The following TEX9 variants were observed in gnomAD, a reference collection of about 807,000 sequenced individuals.
The protein encoded by TEX9 is testis expressed 9, also known as testis-expressed protein 9.
Under a neutral mutation model 59.6 loss-of-function variants are expected in TEX9, and 74 were observed. The ratio of observed to expected loss-of-function variants is 1.24; its 90% CI spans 1.03 to 1.51. TEX9 has a LOEUF of 1.51. TEX9 is among the 40% of genes most tolerant of loss of function. The pLI is 0.00. For missense variants in TEX9, 522 were observed against 447.8 expected (o/e 1.17, Z -1.49); for synonymous variants, 186 against 152.2 (o/e 1.22, Z -1.64).
intron 12 of TEX9, chr15:56,443,430 T>C: frequency 6.4e-7 from 1 of 1,560,184 alleles, no homozygotes; most frequent in Non-Finnish European, 8.6e-7. Context: ...TGAAACTTAC[T>C]TTTAGCTTGC....
intron 1 of TEX9, among the ~76,000 whole-genome samples, chr15:56,319,142 C>T (rs748037637): frequency 2.0e-5 from 3 of 151,990 alleles, no homozygotes; most frequent in Middle Eastern, 3.4e-3. Flanking sequence ...TCTGTATTAT[C>T]CTATTATCAC....
At chr15:56,387,122 TACAA>T (rs1296310316) in intron 4 of TEX9, among the ~76,000 whole-genome samples, 1 of 151,938 alleles carries the variant, frequency 6.6e-6, no homozygotes, top group African/African-American at 2.4e-5. Context: ...TCCATCATAT[TACAA>T]ACAGACATTT....
exon 4 of TEX9, chr15:56,383,968 T>C: frequency 3.1e-6 from 5 of 1,611,692 alleles, no homozygotes; most frequent in Non-Finnish European, 4.2e-6. Context: ...CGGCAAGAAG[T>C]ACGATCTAGG....
chr15:56,302,974 A>G (rs756408141), intron 1 of TEX9, among the ~76,000 whole-genome samples: 4 of 152,246 alleles, frequency 2.6e-5, no homozygotes, highest in Admixed American at 6.5e-5. Flanking sequence ...AAGTCATTGT[A>G]TAATTATAAA....
exon 11 of TEX9, chr15:56,427,717 T>C (rs749397406): frequency 2.7e-6 from 4 of 1,494,276 alleles, no homozygotes; most frequent in South Asian, 1.4e-5. Context: ...TTAAAATTAA[T>C]TGATGTTTTA....
At chr15:56,365,367 G>A (rs1018279604), upstream of TEX9, 5 of 1,524,554 alleles carry the variant, frequency 3.3e-6, no homozygotes, top group Middle Eastern at 2.2e-4. Flanking sequence ...AGGCGTAGGC[G>A]CCCGGGCGGG....
In TEX9 at chr15:56,394,150, T is replaced by C. The variant is rs1231183947; in HGVS notation, c.572-15T>C. On this transcript the variant is annotated splice_polypyrimidine_tract_variant and intron_variant, in intron 7 of 12. Coordinates refer to ENST00000352903, the Ensembl canonical transcript of TEX9. Reference sequence around the variant, plus strand: ...TTCAGCAAAAGACAGTAAATATAATTATTTAAATTCACAGAAGCACAGATC... The same window carrying C: ...TTCAGCAAAAGACAGTAAATATAATCATTTAAATTCACAGAAGCACAGATC... 1.3e-6 allele frequency: 2 copies of C among 1,599,216 alleles called. No individual in the cohort carries two copies. The highest frequency in any genetic ancestry group is 2.3e-5 in the South Asian group (2 of 87,986).
At chr15:56,276,112 G>T (rs749729939) in intron 1 of TEX9, among the ~76,000 whole-genome samples, 6 of 151,092 alleles carry the variant, frequency 4.0e-5, no homozygotes, top group Non-Finnish European at 1.5e-5. Flanking sequence ...TCTTGGGTGT[G>T]GTCTCCTTTG....
intron 3 of TEX9, among the ~76,000 whole-genome samples, chr15:56,383,144 C>T (rs1360812687): frequency 6.6e-6 from 1 of 152,186 alleles, no homozygotes; most frequent in Non-Finnish European, 1.5e-5. Flanking sequence ...AAAGTCTCCG[C>T]CCCGCATGAC....
rs748075724 is a variant in TEX9 at position 56,373,507 on chromosome 15, A to T, written c.183+3A>T. 1 of 1,560,690 alleles carries T rather than the reference A, an allele frequency of 6.4e-7. No individual in the cohort carries two copies. The highest frequency in any genetic ancestry group is 8.6e-7 in the Non-Finnish European group (1 of 1,162,772). On this transcript the variant is annotated splice_donor_region_variant and intron_variant, in intron 3 of 12. Transcript: ENST00000352903. ...TTCAACAAGCTAAGGAAATAATAGTAAGTATATGTACAATTATTAATAATT... is the reference window on the plus strand; with the variant it reads ...TTCAACAAGCTAAGGAAATAATAGTTAGTATATGTACAATTATTAATAATT...
chr15:56,400,575 A>G (rs2048719632), intron 9 of TEX9, among the ~76,000 whole-genome samples: 1 of 152,352 alleles, frequency 6.6e-6, no homozygotes, highest in Middle Eastern at 3.4e-3. Flanking sequence ...GATATTTCCC[A>G]GGAGAACTTC....
intron 9 of TEX9, among the ~76,000 whole-genome samples, chr15:56,402,998 G>T (rs2048874979): frequency 6.6e-6 from 1 of 152,128 alleles, no homozygotes; most frequent in Non-Finnish European, 1.5e-5. Flanking sequence ...AATAATAAGA[G>T]CTATTTATGA....
chr15:56,374,987 G>C (rs1325581144), intron 3 of TEX9, among the ~76,000 whole-genome samples: 2 of 152,106 alleles, frequency 1.3e-5, no homozygotes, highest in African/African-American at 4.8e-5. Flanking sequence ...CTTGGCTATT[G>C]TGAACAGTGC....
chr15:56,418,355 T>C (rs1358774711), intron 10 of TEX9, among the ~76,000 whole-genome samples: 1 of 151,890 alleles, frequency 6.6e-6, no homozygotes, highest in Non-Finnish European at 1.5e-5. Flanking sequence ...TTTCAAGAGC[T>C]TTGGTAAGGC....
At chr15:56,281,610 A>G (rs925198123) in intron 1 of TEX9, among the ~76,000 whole-genome samples, 1 of 152,198 alleles carries the variant, frequency 6.6e-6, no homozygotes, top group Non-Finnish European at 1.5e-5. Context: ...CCTGGTGCCA[A>G]AAAGTTTGGG....
intron 1 of TEX9, among the ~76,000 whole-genome samples, chr15:56,261,116 T>C (rs1451387381): frequency 6.6e-6 from 1 of 152,044 alleles, no homozygotes; most frequent in Non-Finnish European, 1.5e-5. Flanking sequence ...ATACTTTTGC[T>C]CTTGATTGGT....
intron 1 of TEX9, among the ~76,000 whole-genome samples, chr15:56,246,783 A>C (rs2043868132): frequency 6.6e-6 from 1 of 152,218 alleles, no homozygotes; most frequent in South Asian, 2.1e-4. Flanking sequence ...CACCAGAGGA[A>C]AATTTTGAGG....
At chr15:56,381,945 A>G (rs1034806959) in intron 3 of TEX9, among the ~76,000 whole-genome samples, 1 of 152,200 alleles carries the variant, frequency 6.6e-6, no homozygotes, top group Non-Finnish European at 1.5e-5. Flanking sequence ...CCTTCAGGGT[A>G]GCGAGTTCCC....
intron 1 of TEX9, among the ~76,000 whole-genome samples, chr15:56,337,407 A>G (rs564028024): frequency 6.6e-6 from 1 of 152,332 alleles, no homozygotes; most frequent in South Asian, 2.1e-4. Context: ...TGTGAAAATA[A>G]GTAATTCAAA....
Sources: gnomAD v4.1 joint callset for allele counts (sites outside exome capture counted in the v4.1 genomes callset) on GRCh38, gnomAD v4.1.1 for gene constraint, MANE v1.5 for transcripts, NCBI Gene and HGNC (gene_info 2026-07-23, HGNC 2026-07-21) for gene names.